Variants in BACH2 observed in about 807,000 individuals in gnomAD.
BACH2 encodes the protein transcription regulator protein BACH2.
Under a neutral mutation model 61.8 loss-of-function variants are expected in BACH2, and 5 were observed. The ratio of observed to expected loss-of-function variants is 0.08; its 90% CI spans 0.04 to 0.17. The LOEUF (loss-of-function observed/expected upper bound fraction) is 0.17, where lower values mean the gene tolerates loss of function less well. Among genes scored for constraint, BACH2 ranks in the 10% least tolerant of loss-of-function variants. The pLI, the probability that BACH2 is intolerant of heterozygous loss-of-function variation, is 1.00. For missense variants in BACH2, 824 were observed against 1,091.1 expected, an observed-to-expected ratio of 0.76 and a Z score of 3.45; for synonymous variants, 446 against 440.1, an observed-to-expected ratio of 1.01 and a Z score of -0.17.
At chr6:90,003,391 G>T (rs991961085) in intron 6 of BACH2, among the ~76,000 whole-genome samples, 1 of 152,130 alleles carries the variant, frequency 6.6e-6, no homozygotes, top group African/African-American at 2.4e-5. Flanking sequence ...TCACCCCCTT[G>T]AACAGGCTTT....
Position 89,935,657 on chromosome 6 carries a change from G to T in BACH2, c.2043+2487C>A, listed in dbSNP as rs531351098. ...GAGAACTAGATGATGCTCTAATTTG[G>T]TTTTTTGGTTGAAAAATGCTAGCAA... On this transcript the variant is annotated intron_variant, in intron 8 of 8. Coordinates refer to ENST00000257749, the MANE Select transcript of BACH2 (RefSeq NM_021813.4). Among the ~76,000 whole-genome samples the T allele has an allele frequency of 1.6e-4, 24 of 152,316 alleles. 1 individual carries two copies. Among genetic ancestry groups the T allele is most frequent in the Admixed American group, 1.5e-3 (23 of 15,296 alleles).
chr6:90,100,906 C>T lies in BACH2; in HGVS notation c.-161-11797G>A, dbSNP rs370519282. On this transcript the variant is annotated intron_variant, in intron 4 of 8. Transcript: ENST00000257749. ...GGGTTCCAATTTCTCCACATCCTCA[C>T]CAACACTTATTACTGTCTTTTAGAC... 2.2e-4 allele frequency among the ~76,000 whole-genome samples: 33 copies of T among 152,312 alleles called. 1 individual carries two copies. The highest frequency in any genetic ancestry group is 7.7e-4 in the African/African-American group (32 of 41,552).
chr6:89,967,104 C>T (rs374615572), intron 6 of BACH2, among the ~76,000 whole-genome samples: 3 of 152,244 alleles, frequency 2.0e-5, no homozygotes, highest in Admixed American at 6.5e-5. Context: ...GGCTGAAACA[C>T]GCTTTTCACA....
At chr6:90,037,123 T>A (rs1779299184) in intron 5 of BACH2, among the ~76,000 whole-genome samples, 1 of 152,100 alleles carries the variant, frequency 6.6e-6, no homozygotes, top group South Asian at 2.1e-4. Flanking sequence ...TCAAGGGCAA[T>A]TTAGATGCAC....
At chr6:90,020,755 TG>T (rs1198799421) in intron 5 of BACH2, among the ~76,000 whole-genome samples, 14 of 152,058 alleles carry the variant, frequency 9.2e-5, no homozygotes, top group Non-Finnish European at 1.2e-4. Flanking sequence ...TTTTTTCACT[TG>T]CCTTGCTAAT....
At chr6:90,063,966 C>T (rs532531107) in intron 5 of BACH2, among the ~76,000 whole-genome samples, 2 of 151,726 alleles carry the variant, frequency 1.3e-5, no homozygotes, top group African/African-American at 4.8e-5. Context: ...AACCAATGGC[C>T]TCTTAGAAAT....
At position 89,950,972 on chromosome 6, in the gene BACH2, C is replaced by G. The variant is rs774461778; in HGVS notation, c.1134G>C (p.Gln378His). The G allele has an allele frequency of 2.5e-6, 4 of 1,574,310 alleles. No homozygotes were observed. Among genetic ancestry groups the G allele is most frequent in the Non-Finnish European group, 2.6e-6 (3 of 1,160,806 alleles). The change falls in exon 7 of 9, where the codon CAG (glutamine) becomes CAC (histidine). Residue 378 changes from glutamine to histidine, a missense_variant. Gln to His is a conservative substitution (Grantham distance 24). Coordinates refer to ENST00000257749, the MANE Select transcript of BACH2 (RefSeq NM_021813.4). This position sits in a 1 kb window ranked among gnomAD's most constrained non-coding sequence, Gnocchi z 5.3. ...GGGTGTAGTCAGTTTTAAGGTCACC[C>G]TGAGTGATCCCCTTGTCAAAAGGGC... Reference protein sequence around the residue: ...PACPFDKGITQGDLKTDYTPF... With the variant: ...PACPFDKGITHGDLKTDYTPF...
chr6:90,013,372 C>T lies in BACH2; in HGVS notation c.-12-4516G>A, dbSNP rs182236123. The stretch of plus-strand genomic sequence containing the variant: ...AGGAAGAAAGTATTCAACCATTCAC[C>T]ATTTTGTATGACGTTAGCTATAGAT... On this transcript the variant is annotated intron_variant, in intron 5 of 8. Transcript: ENST00000257749. Among the ~76,000 whole-genome samples, 571 of 152,288 alleles carry T rather than the reference C, an allele frequency of 3.7e-3. 8 individuals carry two copies. The highest frequency in any genetic ancestry group is 0.013 in the African/African-American group (542 of 41,572).
chr6:90,027,768 T>C (rs1778710655), intron 5 of BACH2, among the ~76,000 whole-genome samples: 1 of 152,218 alleles, frequency 6.6e-6, no homozygotes, highest in Non-Finnish European at 1.5e-5. Context: ...TCTTTCTATG[T>C]ACAAAATACT....
intron 1 of BACH2, among the ~76,000 whole-genome samples, chr6:90,286,239 AC>A (rs1772012693): frequency 6.6e-6 from 1 of 152,220 alleles, no homozygotes; most frequent in Admixed American, 6.5e-5. Flanking sequence ...GAGGGGACTT[AC>A]TTTCAAACCC....
Position 90,145,132 on chromosome 6 carries a change from T to C in BACH2, c.-161-56023A>G, listed in dbSNP as rs192746657. ...AGAAGAGACTAAATCAGACACTGTATGTGGGAGAGACAAGCGCATACTGCC... is the reference window on the plus strand; with the variant it reads ...AGAAGAGACTAAATCAGACACTGTACGTGGGAGAGACAAGCGCATACTGCC... On this transcript the variant is annotated intron_variant, in intron 4 of 8. Coordinates refer to ENST00000257749, the MANE Select transcript of BACH2 (RefSeq NM_021813.4). Among the ~76,000 whole-genome samples the C allele has an allele frequency of 2.4e-4, 37 of 152,114 alleles. No homozygotes were observed. In the East Asian group the frequency reaches 7.1e-3, roughly 29 times the overall value.
chr6:90,051,288 T>C (rs1365435360), intron 5 of BACH2, among the ~76,000 whole-genome samples: 3 of 152,244 alleles, frequency 2.0e-5, no homozygotes, highest in Non-Finnish European at 2.9e-5. Flanking sequence ...ATATATTGTA[T>C]ATTGATCTTA....
intron 5 of BACH2, among the ~76,000 whole-genome samples, chr6:90,066,606 A>T (rs756000160): frequency 6.6e-6 from 1 of 152,220 alleles, no homozygotes; most frequent in Non-Finnish European, 1.5e-5. Flanking sequence ...AGAGCTGATC[A>T]TGTGCTTCAG....
chr6:90,288,087 T>C (rs1223629349), intron 1 of BACH2, among the ~76,000 whole-genome samples: 1 of 152,216 alleles, frequency 6.6e-6, no homozygotes, highest in Admixed American at 6.5e-5. Context: ...AAGGAAGGGT[T>C]AACTCTGTCT....
At chr6:90,210,466 C>G (rs4707606) in intron 3 of BACH2, among the ~76,000 whole-genome samples, 2,334 of 152,178 alleles carry the variant, frequency 0.015, 39 homozygotes, top group East Asian at 0.071. Flanking sequence ...TGGCCTTGTT[C>G]TATCAAGTAC....
intron 4 of BACH2, among the ~76,000 whole-genome samples, chr6:90,107,406 A>T (rs1300423699): frequency 1.3e-5 from 2 of 152,060 alleles, no homozygotes; most frequent in Admixed American, 1.3e-4. Context: ...AACAAAAAAA[A>T]CACCCCATGT....
intron 6 of BACH2, among the ~76,000 whole-genome samples, chr6:89,975,268 A>G (rs1031948610): frequency 6.6e-6 from 1 of 152,238 alleles, no homozygotes; most frequent in Non-Finnish European, 1.5e-5. Context: ...AAAAATGAAT[A>G]TTGTATTTCT....
intron 6 of BACH2, among the ~76,000 whole-genome samples, chr6:89,993,819 T>C (rs999938654): frequency 4.6e-5 from 7 of 151,098 alleles, no homozygotes; most frequent in African/African-American, 1.5e-4. Flanking sequence ...TTTTTTTGAA[T>C]TTTTTTTCTA....
intron 6 of BACH2, chr6:90,001,232 G>C (rs895136811): frequency 4.6e-5 from 7 of 152,262 alleles, no homozygotes; most frequent in African/African-American, 1.7e-4. Context: ...TATTAGGACA[G>C]GTTAGGCTTT....
Sources: gnomAD v4.1 joint callset for allele counts (sites outside exome capture counted in the v4.1 genomes callset) on GRCh38, gnomAD v4.1.1 for gene constraint, Gnocchi (gnomAD v3.1) non-coding constraint, MANE v1.5 for transcripts, NCBI Gene and HGNC (gene_info 2026-07-23, HGNC 2026-07-21) for gene names.